FAM47E: variants seen among roughly 807,000 people sequenced by gnomAD.
FAM47E encodes protein FAM47E.
In FAM47E, 32 loss-of-function variants were observed where a neutral mutation model predicts 41.6. The ratio of observed to expected loss-of-function variants is 0.77; its 90% CI spans 0.58 to 1.03. The LOEUF is 1.03. Ranked by LOEUF, FAM47E falls within the 50% of genes least tolerant of loss-of-function variation. The pLI is 0.00. For missense variants in FAM47E, 424 were observed against 485.4 expected (o/e 0.87, Z 1.19); for synonymous variants, 184 against 188.7 (o/e 0.98, Z 0.20).
chr4:76,228,195 C>T (rs1167551643), intron 2 of FAM47E, among the ~76,000 whole-genome samples: 2 of 151,820 alleles, frequency 1.3e-5, no homozygotes, highest in Non-Finnish European at 2.9e-5. Context: ...TTTAGAATCC[C>T]AGCTGGGCGC....
rs916676101 is a variant in FAM47E, at chr4:76,283,698, ATCT to A, written c.*244_*246del. On this transcript the variant is annotated 3_prime_UTR_variant, in exon 8 of 8. Transcript: ENST00000424749. ...CCCATGAGATCAATATTCACATGTAATCTTCTCATATTTTTGTGGCACGTGAAT... is the reference window on the plus strand; with the variant it reads ...CCCATGAGATCAATATTCACATGTAATCTCATATTTTTGTGGCACGTGAAT... The A allele has an allele frequency of 5.7e-5, 21 of 370,622 alleles. No homozygotes were observed. Among genetic ancestry groups the A allele is most frequent in the African/African-American group, 2.4e-4 (12 of 49,318 alleles). The allele number at this position is 370,622 out of a possible 1,614,324, so 23.0% of individuals were successfully genotyped here.
chr4:76,260,768 C>T (rs1734377758), intron 2 of FAM47E, among the ~76,000 whole-genome samples: 1 of 152,112 alleles, frequency 6.6e-6, no homozygotes, highest in Admixed American at 6.6e-5. Context: ...ACAGAGTAAA[C>T]AGACAGCAGC....
chr4:76,241,220 T>C (rs982750027), intron 2 of FAM47E, among the ~76,000 whole-genome samples: 2 of 152,206 alleles, frequency 1.3e-5, no homozygotes, highest in African/African-American at 4.8e-5. Context: ...CAAGTGTATA[T>C]ACAGTTGTTT....
At chr4:76,233,467 C>T (rs749489520) in intron 2 of FAM47E, among the ~76,000 whole-genome samples, 1 of 152,076 alleles carries the variant, frequency 6.6e-6, no homozygotes, top group Admixed American at 6.6e-5. Flanking sequence ...ATTAAAGTCG[C>T]GTGAACTGAA....
intron 2 of FAM47E, among the ~76,000 whole-genome samples, chr4:76,224,667 A>C (rs1431289680): frequency 1.3e-5 from 2 of 152,078 alleles, no homozygotes; most frequent in Non-Finnish European, 2.9e-5. Flanking sequence ...GACTCAAGCA[A>C]TTCTCCCAGG....
rs112490911 is a variant in FAM47E, at chr4:76,244,372, T to C, written c.82-19332T>C. On this transcript the variant is annotated intron_variant, in intron 2 of 7. Coordinates refer to the FAM47E transcript ENST00000510197. ...CACTCCCACCAACAGTGTAAAAGCATACCTATTTCTCTATATCCTCTCCAG... is the reference window on the plus strand; with the variant it reads ...CACTCCCACCAACAGTGTAAAAGCACACCTATTTCTCTATATCCTCTCCAG... Among the ~76,000 whole-genome samples, 427 of 152,262 alleles carry C rather than the reference T, an allele frequency of 2.8e-3. 2 individuals are homozygous for C. The highest frequency in any genetic ancestry group is 0.01 in the African/African-American group (421 of 41,550).
intron 5 of FAM47E, among the ~76,000 whole-genome samples, chr4:76,276,368 G>GTTTTTTTTGTTTTT (rs1553957220): frequency 2.0e-5 from 3 of 149,938 alleles, no homozygotes; most frequent in South Asian, 4.2e-4. Flanking sequence ...TTTTTTGTTT[G>GTTTTTTTTGTTTTT]TTTGTTTTTT....
chr4:76,242,963 C>T (rs1470523592), intron 2 of FAM47E, among the ~76,000 whole-genome samples: 1 of 152,150 alleles, frequency 6.6e-6, no homozygotes, highest in Admixed American at 6.5e-5. Flanking sequence ...CCATAACAAT[C>T]TTATAACATA....
At chr4:76,230,602 T>A (rs1733475633) in intron 2 of FAM47E, among the ~76,000 whole-genome samples, 1 of 152,172 alleles carries the variant, frequency 6.6e-6, no homozygotes, top group African/African-American at 2.4e-5. Flanking sequence ...TAAAGTTCAG[T>A]TTGAAGCTTC....
chr4:76,280,086 C>T (rs1010063360), intron 6 of FAM47E, 178 bp from the exon 7 acceptor site: 10 of 463,166 alleles, frequency 2.2e-5, no homozygotes, highest in African/African-American at 1.8e-4. Flanking sequence ...GAAAGCTGGA[C>T]ATCTTTAAAA....
Position 76,280,250 on chromosome 4 carries a change from G to A in FAM47E, c.1027-14G>A, listed in dbSNP as rs1481808228. 1.3e-6 allele frequency: 2 copies of A among 1,522,860 alleles called. No homozygotes were observed. Among genetic ancestry groups the A allele is most frequent in the South Asian group, 1.2e-5 (1 of 82,628 alleles). 94.3% of individuals were successfully genotyped at this position (1,522,860 alleles called of 1,614,324 possible). A position where few individuals can be genotyped will look rare whatever the true frequency, so the allele number is the denominator to read the frequency against. On this transcript the variant is annotated splice_polypyrimidine_tract_variant and intron_variant, in intron 6 of 7. Transcript: ENST00000424749. ...ATGGCTGACCCCTTTCTTCAAATGT[G>A]GGTACTCTTTTAGGAGGAGTTACTT... is the stretch of plus-strand genomic sequence containing the variant.
chr4:76,215,308 T>A (rs141714704), intron 1 of FAM47E, among the ~76,000 whole-genome samples: 2 of 152,306 alleles, frequency 1.3e-5, no homozygotes, highest in African/African-American at 2.4e-5. Flanking sequence ...CCTAACAAGC[T>A]CAACTGGTTG....
At chr4:76,252,704 T>C (rs1734022749) in intron 1 of FAM47E, among the ~76,000 whole-genome samples, 1 of 152,180 alleles carries the variant, frequency 6.6e-6, no homozygotes, top group Admixed American at 6.5e-5. Flanking sequence ...AAGAGCTTCT[T>C]TGGGAAGCTT....
chr4:76,267,716 A>G (rs1318297342), intron 3 of FAM47E: 1 of 152,248 alleles, frequency 6.6e-6, no homozygotes, highest in Admixed American at 6.5e-5. Flanking sequence ...AAAAAGGAAT[A>G]AACTACTAAT....
intron 2 of FAM47E, among the ~76,000 whole-genome samples, chr4:76,262,360 A>AATCT (rs2110011532): frequency 6.6e-6 from 1 of 152,320 alleles, no homozygotes; most frequent in East Asian, 1.9e-4. Flanking sequence ...AATTGCCCAT[A>AATCT]ATCTATCTCT....
At chr4:76,246,600 A>G (rs935067723) in intron 2 of FAM47E, among the ~76,000 whole-genome samples, 1 of 152,102 alleles carries the variant, frequency 6.6e-6, no homozygotes, top group African/African-American at 2.4e-5. Context: ...AGCTCATTAA[A>G]ATTTTACATA....
intron 5 of FAM47E, among the ~76,000 whole-genome samples, chr4:76,277,130 G>C (rs1735151858): frequency 6.6e-6 from 1 of 152,162 alleles, no homozygotes; most frequent in African/African-American, 2.4e-5. Context: ...TGCTACTGAG[G>C]AATCGGGGAA....
rs866925956 is a variant in FAM47E, at chr4:76,253,884, A to G, written c.74+2064A>G. On this transcript the variant is annotated intron_variant, in intron 1 of 7. Coordinates refer to ENST00000424749, the MANE Select transcript of FAM47E (RefSeq NM_001136570.3). Reference sequence around the variant, plus strand: ...TCCCAACACTTTGGGAAGCGGAGGCAGGAGGATCACTTGAACCCGAAGTTT... The same window carrying G: ...TCCCAACACTTTGGGAAGCGGAGGCGGGAGGATCACTTGAACCCGAAGTTT... Among the ~76,000 whole-genome samples the G allele has an allele frequency of 1.1e-3, 167 of 152,138 alleles. 3 individuals carry two copies. The highest frequency in any genetic ancestry group is 0.01 in the Middle Eastern group (3 of 294).
At chr4:76,265,837 T>C (rs899500446) in intron 3 of FAM47E, among the ~76,000 whole-genome samples, 2 of 152,238 alleles carry the variant, frequency 1.3e-5, no homozygotes, top group East Asian at 1.9e-4. Flanking sequence ...TCCGGGTTGA[T>C]GGACACATCC....
Sources: gnomAD v4.1 joint callset for allele counts (sites outside exome capture counted in the v4.1 genomes callset) on GRCh38, gnomAD v4.1.1 for gene constraint, MANE v1.5 for transcripts, NCBI Gene and HGNC (gene_info 2026-07-23, HGNC 2026-07-21) for gene names.